The following EPAS1 variants were observed in gnomAD, a reference collection of about 807,000 sequenced individuals.
The protein encoded by EPAS1 is endothelial PAS domain protein 1.
EPAS1 carries 23 observed loss-of-function variants against 87.9 expected under a neutral mutation model. The ratio of observed to expected loss-of-function variants is 0.26; its 90% confidence interval spans 0.19 to 0.37. The LOEUF is 0.37. Ranked by LOEUF, EPAS1 falls within the 10% of genes least tolerant of loss-of-function variation. The pLI is 1.00. For synonymous variants in EPAS1, 508 were observed against 444.3 expected, an observed-to-expected ratio of 1.14 and a Z score of -1.80; for missense variants, 1,138 against 1,120.7, an observed-to-expected ratio of 1.02 and a Z score of -0.22.
At chr2:46,362,977 A>AGTGGTGGTGGTGGTGGTGGTGGTGGTG (rs75642579) in intron 6 of EPAS1, among the ~76,000 whole-genome samples, 9 of 104,328 alleles carry the variant, frequency 8.6e-5, no homozygotes, top group Non-Finnish European at 1.6e-4. Flanking sequence ...TGGTGGTGGT[A>AGTGGTGGTGGTGGTGGTGGTGGTGGTG]GTGGTGGTGG....
chr2:46,347,593 G>A lies in EPAS1; in HGVS notation c.217+530G>A, dbSNP rs546630504. 9.8e-5 allele frequency: 19 copies of A among 194,482 alleles called. No individual in the cohort carries two copies. The highest frequency in any genetic ancestry group is 2.6e-4 in the African/African-American group (11 of 43,108). 12.0% of individuals were successfully genotyped at this position (194,482 alleles called of 1,614,324 possible). On this transcript the variant is annotated intron_variant, in intron 2 of 15. Coordinates refer to ENST00000263734, the MANE Select transcript of EPAS1 (RefSeq NM_001430.5). This position sits in a 1 kb window ranked among gnomAD's most constrained non-coding sequence, Gnocchi z 4.2. ...AAACATACTTCTTGCCCAGGGTGTC[G>A]GTGAGAATGGACTGAAATGATGTCC...
At chr2:46,357,177 T>C (rs144237813) in intron 4 of EPAS1, among the ~76,000 whole-genome samples, 185 of 152,346 alleles carry the variant, frequency 1.2e-3, no homozygotes, top group African/African-American at 4.3e-3. Context: ...TGTAGTTATC[T>C]ATTGCTGTCT....
chr2:46,301,708 T>C (rs917885380), intron 1 of EPAS1, among the ~76,000 whole-genome samples: 1 of 151,038 alleles, frequency 6.6e-6, no homozygotes, highest in African/African-American at 2.4e-5. Flanking sequence ...TCCGAAGGAG[T>C]GCCTTCCCCA....
intron 1 of EPAS1, among the ~76,000 whole-genome samples, chr2:46,331,472 AG>A (rs1273903195): frequency 1.8e-4 from 28 of 152,356 alleles, no homozygotes; most frequent in African/African-American, 6.7e-4. Context: ...TAGCTATGTA[AG>A]GGTGGCCTTT....
intron 1 of EPAS1, among the ~76,000 whole-genome samples, chr2:46,324,724 A>C (rs751739773): frequency 9.2e-5 from 14 of 152,354 alleles, no homozygotes; most frequent in Middle Eastern, 3.4e-3. Flanking sequence ...TATTAAAAGC[A>C]GTTACGTAAG....
chr2:46,331,246 A>T (rs1471579858), intron 1 of EPAS1, among the ~76,000 whole-genome samples: 2 of 152,162 alleles, frequency 1.3e-5, no homozygotes, highest in Admixed American at 1.3e-4. Flanking sequence ...TGTCTCCCTG[A>T]CTGGGCTGTC....
At chr2:46,334,927 T>A (rs115034434) in intron 1 of EPAS1, among the ~76,000 whole-genome samples, 486 of 152,338 alleles carry the variant, frequency 3.2e-3, no homozygotes, top group Non-Finnish European at 5.1e-3. Context: ...GTGTTCGCGC[T>A]GTGGCATGAA....
At chr2:46,351,023 T>C (rs577632658) in intron 2 of EPAS1, among the ~76,000 whole-genome samples, 4 of 152,182 alleles carry the variant, frequency 2.6e-5, no homozygotes, top group Non-Finnish European at 5.9e-5. Context: ...GAGGCAGATA[T>C]ATGTTCTGGT....
At chr2:46,304,972 T>C (rs1192531592) in intron 1 of EPAS1, among the ~76,000 whole-genome samples, 1 of 152,248 alleles carries the variant, frequency 6.6e-6, no homozygotes, top group Non-Finnish European at 1.5e-5. Flanking sequence ...TGTTGGCCCC[T>C]GCACTGTGAA....
chr2:46,359,832 G>A (rs1684352225), intron 4 of EPAS1, among the ~76,000 whole-genome samples: 1 of 152,158 alleles, frequency 6.6e-6, no homozygotes. Flanking sequence ...ACAGACAAGT[G>A]GGATTCAGCT....
chr2:46,380,443 C>A lies in EPAS1; in HGVS notation c.1771C>A (p.Gln591Lys), dbSNP rs1684860581. The change falls in exon 12 of 16, where the codon CAG (glutamine) becomes AAG (lysine). Residue 591 changes from glutamine (Q) to lysine (K), a missense_variant. By Grantham distance (53) the Gln-to-Lys change is moderately conservative. This residue lies in a region of EPAS1 where 502 missense variants were observed against 427.1 expected (regional missense o/e 1.18). Transcript: ENST00000263734. This position sits in a 1 kb window ranked among gnomAD's most constrained non-coding sequence, Gnocchi z 4.4. The part of the protein sequence containing the change: ...SPFLLDKFQQ[Q>K]LESKKTEPEH... Reference sequence around the variant, plus strand: ...CTTCCTCCTGGACAAGTTTCAGCAGCAGCTGGAGAGCAAGAAGACAGAGCC... The same window carrying A: ...CTTCCTCCTGGACAAGTTTCAGCAGAAGCTGGAGAGCAAGAAGACAGAGCC... The A allele has an allele frequency of 6.2e-7, 1 of 1,614,064 alleles. No homozygotes were observed. The highest frequency in any genetic ancestry group is 1.7e-5 in the Admixed American group (1 of 60,010).
Position 46,310,263 on chromosome 2 carries a change from C to A in EPAS1, c.26+12326C>A, listed in dbSNP as rs535117261. Among the ~76,000 whole-genome samples, 8 of 152,174 alleles carry A rather than the reference C, an allele frequency of 5.3e-5. No individual in the cohort carries two copies. The South Asian group carries it at 1.7e-3, about 32-fold the overall frequency. On this transcript the variant is annotated intron_variant, in intron 1 of 15. Transcript: ENST00000263734. ...AAGGTTCTCTTTCTGATGGTAAAGC[C>A]TTTGTCCCCCTCATTATTTGATAAG...
intron 1 of EPAS1, chr2:46,335,934 C>T (rs1284365276): frequency 6.6e-6 from 1 of 152,164 alleles, no homozygotes; most frequent in Non-Finnish European, 1.5e-5. Flanking sequence ...GCAGTTGGCT[C>T]ACTCGGCCTC....
intron 1 of EPAS1, among the ~76,000 whole-genome samples, chr2:46,307,456 GGA>G (rs1279744329): frequency 6.6e-6 from 1 of 152,184 alleles, no homozygotes; most frequent in African/African-American, 2.4e-5. Context: ...TTGTGCAGCG[GGA>G]GTCTGTCTTT....
Position 46,381,997 on chromosome 2 carries a change from C to A in EPAS1, c.2195C>A (p.Thr732Asn). ...LSGGDPPGGS[T>N]SHLMWKRMKN... Reference sequence around the variant, plus strand: ...CAGGGGGACCCACCTGGTGGCAGCACCTCACATTTGATGTGGAAACGGATG... The same window carrying A: ...CAGGGGGACCCACCTGGTGGCAGCAACTCACATTTGATGTGGAAACGGATG... The change falls in exon 14 of 16, where the codon ACC becomes AAC. Residue 732 changes from threonine (T) to asparagine (N), a missense_variant. This residue lies in a region of EPAS1 where 502 missense variants were observed against 427.1 expected (regional missense o/e 1.18). Transcript: ENST00000263734. 6.2e-7 allele frequency: 1 copy of A among 1,614,026 alleles called. No homozygotes were observed. The highest frequency in any genetic ancestry group is 8.5e-7 in the Non-Finnish European group (1 of 1,179,996).
Position 46,356,808 on chromosome 2 carries a change from G to C in EPAS1, c.454G>C (p.Gly152Arg). Residue 152 changes from glycine to arginine, a missense_variant and splice_region_variant, in exon 4 of 16, where the codon GGC becomes CGC. Around this residue, in one of 4 missense-constraint regions of EPAS1, gnomAD observed 351 missense variants for 417.1 expected, o/e 0.84. Transcript: ENST00000263734. ...TCGTGAGAACCTGAGTCTCAAAAAT[G>C]GTATCCTTAATTGTGTTTACTTCCT... is the stretch of plus-strand genomic sequence containing the variant. Reference protein sequence around the residue: ...EIRENLSLKNGSGFGKKSKDM... With the variant: ...EIRENLSLKNRSGFGKKSKDM... The C allele has an allele frequency of 6.2e-7, 1 of 1,610,718 alleles. No homozygotes were observed. Among genetic ancestry groups the C allele is most frequent in the Non-Finnish European group, 8.5e-7 (1 of 1,176,944 alleles).
Position 46,375,207 on chromosome 2 carries a change from A to G in EPAS1, c.887-483A>G, listed in dbSNP as rs1684717824. Reference sequence around the variant, plus strand: ...AAAAAAAACAAAAAAAAACAAAAAAAACTGCCCTGAGGTCAGGCTTTCTCC... The same window carrying G: ...AAAAAAAACAAAAAAAAACAAAAAAGACTGCCCTGAGGTCAGGCTTTCTCC... On this transcript the variant is annotated intron_variant, in intron 7 of 15. Coordinates refer to ENST00000263734, the MANE Select transcript of EPAS1 (RefSeq NM_001430.5). This position sits in a 1 kb window ranked among gnomAD's most constrained non-coding sequence, Gnocchi z 4.1. Among the ~76,000 whole-genome samples the G allele has an allele frequency of 6.6e-6, 1 of 151,776 alleles. No individual in the cohort carries two copies. The highest frequency in any genetic ancestry group is 2.4e-5 in the African/African-American group (1 of 41,348).
At chr2:46,372,458 A>G (rs1026216941) in intron 7 of EPAS1, among the ~76,000 whole-genome samples, 2 of 152,232 alleles carry the variant, frequency 1.3e-5, no homozygotes, top group African/African-American at 2.4e-5. Context: ...CTTAGCCTGT[A>G]AAGGTTTACC....
Position 46,380,961 on chromosome 2 carries a change from C to T in EPAS1, c.2045+244C>T, listed in dbSNP as rs141661851. Among the ~76,000 whole-genome samples, 2 of 152,170 alleles carry T rather than the reference C, an allele frequency of 1.3e-5. No individual in the cohort carries two copies. Among genetic ancestry groups the T allele is most frequent in the South Asian group, 2.1e-4 (1 of 4,828 alleles). On this transcript the variant is annotated intron_variant, in intron 12 of 15. Coordinates refer to ENST00000263734, the MANE Select transcript of EPAS1 (RefSeq NM_001430.5). The surrounding 1 kb of genome is among the most constrained non-coding windows in gnomAD (Gnocchi z 4.4). ...AAGTGGCTTGTTGAGAGCCCTGTAC[C>T]TCAGTGTCTCCCTTCGGACCACCAC...
Sources: allele counts gnomAD v4.1 joint callset (sites outside exome capture counted in the v4.1 genomes callset), GRCh38; gene constraint gnomAD v4.1.1; regional missense constraint gnomAD v4.1.1; non-coding constraint Gnocchi (gnomAD v3.1); transcripts MANE v1.5; gene names NCBI Gene and HGNC (gene_info 2026-07-23, HGNC 2026-07-21).